The following RGS10 variants were observed in gnomAD, a reference collection of about 807,000 sequenced individuals.
RGS10 encodes the protein regulator of G protein signaling 10, also known as regulator of G-protein signalling 10.
Under a neutral mutation model 23.5 loss-of-function variants are expected in RGS10, and 11 were observed. That is an observed-to-expected ratio of 0.47 (90% confidence interval 0.29 to 0.77). RGS10 has a LOEUF of 0.77. RGS10 is among the 30% of genes least tolerant of loss of function. The pLI is 0.08. For synonymous variants in RGS10, 77 were observed against 83.2 expected (o/e 0.92, Z 0.41); for missense variants, 180 against 226.3 (o/e 0.80, Z 1.31).
At chr10:119,526,897 T>C (rs185956949) in intron 2 of RGS10, among the ~76,000 whole-genome samples, 2 of 152,062 alleles carry the variant, frequency 1.3e-5, no homozygotes, top group East Asian at 3.9e-4. Context: ...GGAGGTCCCT[T>C]CGCCAAGTTC....
chr10:119,532,997 G>A (rs561373238), intron 1 of RGS10, among the ~76,000 whole-genome samples: 3 of 136,216 alleles, frequency 2.2e-5, no homozygotes, highest in African/African-American at 8.5e-5. Flanking sequence ...CCGATATTGC[G>A]CCACTGCACT....
At position 119,527,566 on chromosome 10, in the gene RGS10, C is replaced by T. The variant is rs957393160; in HGVS notation, c.50-142G>A. On this transcript the variant is annotated intron_variant, in intron 1 of 4. Transcript: ENST00000369103. This position sits in a 1 kb window ranked among gnomAD's most constrained non-coding sequence, Gnocchi z 4.2. ...GTCAGGCTCTGTTCTAGGTGCTTAACATGATGGACTCATTCTTGTCACACA... is the reference window on the plus strand; with the variant it reads ...GTCAGGCTCTGTTCTAGGTGCTTAATATGATGGACTCATTCTTGTCACACA... The T allele has an allele frequency of 7.5e-6, 5 of 665,296 alleles. No individual in the cohort carries two copies. The highest frequency in any genetic ancestry group is 1.1e-5 in the Non-Finnish European group (4 of 371,770). The allele number at this position is 665,296 out of a possible 1,614,324, so 41.2% of individuals were successfully genotyped here.
chr10:119,533,710 A>G (rs1016584151), intron 1 of RGS10, among the ~76,000 whole-genome samples: 7 of 152,202 alleles, frequency 4.6e-5, no homozygotes, highest in African/African-American at 1.7e-4. Flanking sequence ...CGATCTCTCC[A>G]GCTAGGGAAG....
chr10:119,507,407 C>T (rs71500893), intron 4 of RGS10, among the ~76,000 whole-genome samples: 30,294 of 151,926 alleles, frequency 0.2, 3,668 homozygotes, highest in Non-Finnish European at 0.28. Flanking sequence ...TCTCACCCTC[C>T]GAGGCCCTCA....
intron 1 of RGS10, among the ~76,000 whole-genome samples, chr10:119,539,773 C>T (rs1281183772): frequency 6.6e-6 from 1 of 151,982 alleles, no homozygotes; most frequent in Admixed American, 6.6e-5. Context: ...AAATCCTCCG[C>T]GGAAAGACAG....
At chr10:119,504,899 A>C (rs2133944844) in intron 4 of RGS10, among the ~76,000 whole-genome samples, 1 of 152,294 alleles carries the variant, frequency 6.6e-6, no homozygotes, top group Non-Finnish European at 1.5e-5. Context: ...CCTTGATGTC[A>C]TATTTTCAAT....
rs1844291229 is a variant in RGS10 at position 119,527,620 on chromosome 10, T to G, written c.50-196A>C. 1.8e-6 allele frequency: 1 copy of G among 563,442 alleles called. No homozygotes were observed. Among genetic ancestry groups the G allele is most frequent in the African/African-American group, 1.9e-5 (1 of 52,944 alleles). The allele number at this position is 563,442 out of a possible 1,614,324, so 34.9% of individuals were successfully genotyped here. A position where few individuals can be genotyped will look rare whatever the true frequency, so the allele number is the denominator to read the frequency against. On this transcript the variant is annotated intron_variant, in intron 1 of 4. Transcript: ENST00000369103. The surrounding 1 kb of genome is among the most constrained non-coding windows in gnomAD (Gnocchi z 4.2). The stretch of plus-strand genomic sequence containing the variant: ...CTGTAAGGCAGGCACTACTATTTCC[T>G]CCATTTTACAGATGGGGGTAAACTG...
At chr10:119,526,678 C>T (rs1844276348) in intron 2 of RGS10, among the ~76,000 whole-genome samples, 1 of 152,176 alleles carries the variant, frequency 6.6e-6, no homozygotes, top group South Asian at 2.1e-4. Context: ...AGCCTAGTAC[C>T]ACCTGCCACT....
Position 119,500,267 on chromosome 10 carries a change from G to A in RGS10, c.400-8C>T, listed in dbSNP as rs1446657806. 7 of 1,599,012 alleles carry A rather than the reference G, an allele frequency of 4.4e-6. No homozygotes were observed. The highest frequency in any genetic ancestry group is 1.8e-5 in the Admixed American group (1 of 55,970). On this transcript the variant is annotated splice_polypyrimidine_tract_variant and splice_region_variant and intron_variant, in intron 4 of 4. Coordinates refer to ENST00000369103, the MANE Select transcript of RGS10 (RefSeq NM_001005339.2). ...CTTCATGAGATTAAAGATCTAAGGAGGAAAAGAAAAAAGAGTCTGAAGGCT... is the reference window on the plus strand; with the variant it reads ...CTTCATGAGATTAAAGATCTAAGGAAGAAAAGAAAAAAGAGTCTGAAGGCT...
At chr10:119,533,039 CAAA>C (rs537478454) in intron 1 of RGS10, among the ~76,000 whole-genome samples, 1 of 103,694 alleles carries the variant, frequency 9.6e-6, no homozygotes, top group African/African-American at 4.0e-5. Flanking sequence ...GACGCTGTCT[CAAA>C]AAAAAAAAAA....
At chr10:119,520,051 C>T (rs1227840726) in intron 3 of RGS10, among the ~76,000 whole-genome samples, 1 of 152,138 alleles carries the variant, frequency 6.6e-6, no homozygotes, top group Non-Finnish European at 1.5e-5. Flanking sequence ...ACTTCGATCC[C>T]CTGTAGCCAC....
chr10:119,507,201 C>A (rs760112064), intron 4 of RGS10, among the ~76,000 whole-genome samples: 5 of 152,136 alleles, frequency 3.3e-5, no homozygotes, highest in African/African-American at 1.2e-4. Flanking sequence ...TCTTTTGGAG[C>A]AAATGTCACC....
At position 119,527,643 on chromosome 10, in the gene RGS10, C is replaced by T. The variant is rs1042194332; in HGVS notation, c.50-219G>A. 6.6e-6 allele frequency among the ~76,000 whole-genome samples: 1 copy of T among 152,206 alleles called. No individual in the cohort carries two copies. Among genetic ancestry groups the T allele is most frequent in the Non-Finnish European group, 1.5e-5 (1 of 68,040 alleles). On this transcript the variant is annotated intron_variant, in intron 1 of 4. Coordinates refer to ENST00000369103, the MANE Select transcript of RGS10 (RefSeq NM_001005339.2). The surrounding 1 kb of genome is among the most constrained non-coding windows in gnomAD (Gnocchi z 4.2). Reference sequence around the variant, plus strand: ...CCTCCATTTTACAGATGGGGGTAAACTGAGGCTCGGAGGGATGAAGGGACC... The same window carrying T: ...CCTCCATTTTACAGATGGGGGTAAATTGAGGCTCGGAGGGATGAAGGGACC...
chr10:119,505,293 C>T (rs1843996803), intron 4 of RGS10, among the ~76,000 whole-genome samples: 1 of 148,064 alleles, frequency 6.8e-6, no homozygotes, highest in Admixed American at 6.7e-5. Flanking sequence ...GCGGAAAACT[C>T]AAGTTGGCGG....
At chr10:119,534,276 T>A (rs1844361529) in intron 1 of RGS10, among the ~76,000 whole-genome samples, 1 of 97,806 alleles carries the variant, frequency 1.0e-5, no homozygotes, top group Non-Finnish European at 2.5e-5. Context: ...AATAAATAAA[T>A]AAATAAATAA....
At chr10:119,509,164 G>A (rs1386868894) in intron 4 of RGS10, among the ~76,000 whole-genome samples, 2 of 152,138 alleles carry the variant, frequency 1.3e-5, no homozygotes, top group Non-Finnish European at 2.9e-5. Context: ...TTGGGAGGCT[G>A]AGGTGGGCAG....
intron 4 of RGS10, among the ~76,000 whole-genome samples, chr10:119,512,399 C>T (rs543936927): frequency 2.0e-5 from 3 of 151,474 alleles, no homozygotes; most frequent in Non-Finnish European, 2.9e-5. Flanking sequence ...AGCAAGGCCC[C>T]GGAGAGACAG....
intron 4 of RGS10, among the ~76,000 whole-genome samples, chr10:119,503,287 C>T (rs534477105): frequency 6.4e-4 from 96 of 150,782 alleles, no homozygotes; most frequent in Non-Finnish European, 1.3e-3. Flanking sequence ...CTGCAGTGAG[C>T]TAAGATCACG....
chr10:119,516,229 G>A (rs1380449050), intron 3 of RGS10: 3 of 142,446 alleles, frequency 2.1e-5, no homozygotes. Context: ...TCCAGCCTGG[G>A]TGACAGAGTG....
Sources: allele counts gnomAD v4.1 joint callset (sites outside exome capture counted in the v4.1 genomes callset), GRCh38; gene constraint gnomAD v4.1.1; non-coding constraint Gnocchi (gnomAD v3.1); transcripts MANE v1.5; gene names NCBI Gene and HGNC (gene_info 2026-07-23, HGNC 2026-07-21).